CDH18: variants seen among roughly 807,000 people sequenced by gnomAD.
The protein encoded by CDH18 is cadherin 18, also known as cadherin-18.
A neutral mutation model predicts 67.9 loss-of-function variants in CDH18; 31 were observed. The observed-to-expected ratio is 0.46, with a 90% CI of 0.34 to 0.62. The LOEUF is 0.62. CDH18 is among the 20% of genes least tolerant of loss of function. The pLI is 0.01. For synonymous variants in CDH18, 362 were observed against 347.2 expected, an observed-to-expected ratio of 1.04 and a Z score of -0.48; for missense variants, 890 against 975.5, an observed-to-expected ratio of 0.91 and a Z score of 1.17.
At chr5:20,179,589 T>C (rs1235410760) in intron 2 of CDH18, among the ~76,000 whole-genome samples, 1 of 152,256 alleles carries the variant, frequency 6.6e-6, no homozygotes, top group Non-Finnish European at 1.5e-5. Context: ...ATATAGAAGT[T>C]ATTTACTGGG....
At chr5:19,760,473 T>C (rs551916919) in intron 3 of CDH18, among the ~76,000 whole-genome samples, 2 of 152,228 alleles carry the variant, frequency 1.3e-5, no homozygotes, top group East Asian at 3.9e-4. Context: ...TTTTAATCCA[T>C]ATTTTGGCTA....
intron 1 of CDH18, among the ~76,000 whole-genome samples, chr5:20,298,314 C>A (rs146895099): frequency 2.4e-4 from 37 of 152,130 alleles, no homozygotes; most frequent in Middle Eastern, 6.8e-3. Flanking sequence ...ATTATATTAA[C>A]TTAGGTAACT....
At chr5:20,019,102 A>C (rs574628317) in intron 2 of CDH18, among the ~76,000 whole-genome samples, 1 of 152,240 alleles carries the variant, frequency 6.6e-6, no homozygotes, top group African/African-American at 2.4e-5. Flanking sequence ...CGGCCTAATA[A>C]GGCATTCTTA....
At chr5:19,595,410 C>G (rs770247559) in intron 6 of CDH18, among the ~76,000 whole-genome samples, 2 of 152,070 alleles carry the variant, frequency 1.3e-5, no homozygotes, top group Non-Finnish European at 2.9e-5. Context: ...TACGGTGGCT[C>G]GAGACCTGTT....
intron 3 of CDH18, among the ~76,000 whole-genome samples, chr5:19,748,134 G>GAAAAAAAAAAAAA (rs1554022366): frequency 3.0e-5 from 2 of 67,136 alleles, no homozygotes; most frequent in Non-Finnish European, 2.6e-5. Flanking sequence ...AAAAAAAAAA[G>GAAAAAAAAAAAAA]AGTACTTTTT....
chr5:20,398,668 G>A (rs529750504), intron 1 of CDH18, among the ~76,000 whole-genome samples: 2 of 151,202 alleles, frequency 1.3e-5, no homozygotes, highest in Admixed American at 6.6e-5. Context: ...AAACCACCAC[G>A]GCACACATAT....
At chr5:20,079,456 A>G (rs1744254821) in intron 2 of CDH18, among the ~76,000 whole-genome samples, 1 of 152,130 alleles carries the variant, frequency 6.6e-6, no homozygotes, top group Non-Finnish European at 1.5e-5. Flanking sequence ...AAAAATCTAC[A>G]TATTGATGGA....
chr5:19,944,252 T>C (rs970044743), intron 2 of CDH18, among the ~76,000 whole-genome samples: 9 of 152,124 alleles, frequency 5.9e-5, no homozygotes, highest in Non-Finnish European at 8.8e-5. Context: ...CTGTCTTATA[T>C]AATTTAATAT....
At chr5:20,165,672 G>A (rs1041293603) in intron 2 of CDH18, among the ~76,000 whole-genome samples, 6 of 151,900 alleles carry the variant, frequency 3.9e-5, no homozygotes, top group African/African-American at 1.2e-4. Context: ...CAATGAAATC[G>A]TTGACTCATT....
intron 7 of CDH18, among the ~76,000 whole-genome samples, chr5:19,579,529 A>C (rs950096677): frequency 6.6e-6 from 1 of 151,848 alleles, no homozygotes; most frequent in Non-Finnish European, 1.5e-5. Context: ...CCATACAATA[A>C]ACAGCAATTA....
intron 1 of CDH18, among the ~76,000 whole-genome samples, chr5:20,368,484 A>G (rs1742700056): frequency 6.6e-6 from 1 of 152,186 alleles, no homozygotes; most frequent in Non-Finnish European, 1.5e-5. Context: ...GTAGACAGAA[A>G]AAGCTTTCTA....
intron 12 of CDH18, among the ~76,000 whole-genome samples, chr5:19,477,747 T>A (rs906055973): frequency 1.3e-5 from 2 of 152,078 alleles, no homozygotes; most frequent in African/African-American, 2.4e-5. Flanking sequence ...ATTGGCAAGG[T>A]ACCTCTTCTT....
rs112169594 is a variant in CDH18, at chr5:19,782,170, T to C, written c.229-34934A>G. On this transcript the variant is annotated intron_variant, in intron 3 of 12. Coordinates refer to ENST00000382275, the MANE Select transcript of CDH18 (RefSeq NM_004934.5). Reference sequence around the variant, plus strand: ...CGTTTAATTTACTCATAGTTCCACATGTCTGGGGAGGCCTCAGGAGACTCA... The same window carrying C: ...CGTTTAATTTACTCATAGTTCCACACGTCTGGGGAGGCCTCAGGAGACTCA... 5.0e-3 allele frequency among the ~76,000 whole-genome samples: 761 copies of C among 152,234 alleles called. 13 individuals are homozygous for C. The highest frequency in any genetic ancestry group is 0.018 in the African/African-American group (738 of 41,534).
At chr5:20,355,099 A>G (rs1473502711) in intron 1 of CDH18, among the ~76,000 whole-genome samples, 1 of 152,164 alleles carries the variant, frequency 6.6e-6, no homozygotes, top group Non-Finnish European at 1.5e-5. Context: ...AATGGTGTAA[A>G]TGTTCTCCCA....
intron 8 of CDH18, among the ~76,000 whole-genome samples, chr5:19,553,028 A>C (rs976252529): frequency 6.6e-6 from 1 of 152,180 alleles, no homozygotes; most frequent in African/African-American, 2.4e-5. Context: ...TTCAGGGACC[A>C]AAAAACAGAC....
chr5:20,181,052 C>A (rs1737650111), intron 2 of CDH18, among the ~76,000 whole-genome samples: 1 of 152,114 alleles, frequency 6.6e-6, no homozygotes, highest in Non-Finnish European at 1.5e-5. Context: ...AAGGAAGGAA[C>A]TTCTCCTGGT....
intron 5 of CDH18, among the ~76,000 whole-genome samples, chr5:19,712,637 ATT>A (rs35081618): frequency 2.1e-5 from 1 of 48,288 alleles, no homozygotes; most frequent in South Asian, 1.2e-3. Context: ...TGAGCTTAAA[ATT>A]TATATATATA....
chr5:20,561,228 T>C (rs558654534), intron 1 of CDH18, among the ~76,000 whole-genome samples: 81 of 152,230 alleles, frequency 5.3e-4, no homozygotes, highest in African/African-American at 1.9e-3. Flanking sequence ...AAATCTTACC[T>C]TGCAATCTAG....
At chr5:19,956,530 G>T (rs1421297613) in intron 2 of CDH18, among the ~76,000 whole-genome samples, 1 of 151,114 alleles carries the variant, frequency 6.6e-6, no homozygotes, top group African/African-American at 2.4e-5. Context: ...CAACAAAAAA[G>T]GTCCTAAAAT....
Sources: gnomAD v4.1 joint callset for allele counts (sites outside exome capture counted in the v4.1 genomes callset) on GRCh38, gnomAD v4.1.1 for gene constraint, MANE v1.5 for transcripts, NCBI Gene and HGNC (gene_info 2026-07-23, HGNC 2026-07-21) for gene names.